Variants in SLC12A1 observed in about 807,000 individuals in gnomAD.
SLC12A1 encodes Na-K-2Cl cotransporter.
SLC12A1 carries 89 observed loss-of-function variants against 130.4 expected under a neutral mutation model. That is an observed-to-expected ratio of 0.68 (90% CI 0.58 to 0.81). The LOEUF (loss-of-function observed/expected upper bound fraction) is 0.81. Ranked by LOEUF, SLC12A1 falls within the 40% of genes least tolerant of loss-of-function variation. The probability of loss-of-function intolerance (pLI) is 0.00; values close to 1 mark genes in which losing one functional copy is unlikely to be tolerated. For missense variants in SLC12A1, 1,310 were observed against 1,336.4 expected (o/e 0.98, Z 0.31); for synonymous variants, 499 against 460.0 (o/e 1.08, Z -1.09).
chr15:48,206,310 T>G lies in SLC12A1; in HGVS notation c.-207T>G, dbSNP rs2040983092. ...TGACGCTGAAGCAGGTTACATTTCC[T>G]CAGAAGAAGGCTCCTTGGTGGTAAG... On this transcript the variant is annotated 5_prime_UTR_variant, in exon 1 of 27. Transcript: ENST00000380993. 1 of 152,216 alleles carries G rather than the reference T, an allele frequency of 6.6e-6. No individual in the cohort carries two copies. The highest frequency in any genetic ancestry group is 2.1e-4 in the South Asian group (1 of 4,838). The allele number at this position is 152,216 out of a possible 1,614,324, so 9.4% of individuals were successfully genotyped here. A position where few individuals can be genotyped will look rare whatever the true frequency, so the allele number is the denominator to read the frequency against.
chr15:48,257,384 G>A (rs1051833916), intron 16 of SLC12A1, among the ~76,000 whole-genome samples: 4 of 152,140 alleles, frequency 2.6e-5, no homozygotes, highest in Admixed American at 6.5e-5. Flanking sequence ...GTGCCCCAGT[G>A]GGGAGTCTGT....
intron 4 of SLC12A1, chr15:48,225,804 TG>T: frequency 6.8e-6 from 4 of 590,946 alleles, no homozygotes; most frequent in Non-Finnish European, 8.5e-6. Context: ...AATGATCCAA[TG>T]AATTCTTCCA....
At chr15:48,281,273 C>T (rs908639133) in intron 20 of SLC12A1, among the ~76,000 whole-genome samples, 1 of 152,170 alleles carries the variant, frequency 6.6e-6, no homozygotes, top group Non-Finnish European at 1.5e-5. Flanking sequence ...AAGTGTTTGG[C>T]ATTGTACTTG....
chr15:48,260,058 A>G (rs2141076844), intron 17 of SLC12A1, among the ~76,000 whole-genome samples: 1 of 152,234 alleles, frequency 6.6e-6, no homozygotes, highest in African/African-American at 2.4e-5. Context: ...ACCTGAGGTC[A>G]GGAGTTCGAG....
intron 9 of SLC12A1, among the ~76,000 whole-genome samples, chr15:48,241,184 C>T (rs2041511527): frequency 6.6e-6 from 1 of 152,144 alleles, no homozygotes; most frequent in African/African-American, 2.4e-5. Flanking sequence ...AGATGTGATA[C>T]ATCTAAATGA....
chr15:48,280,190 G>A (rs918096599), intron 20 of SLC12A1, among the ~76,000 whole-genome samples: 1 of 151,474 alleles, frequency 6.6e-6, no homozygotes, highest in Non-Finnish European at 1.5e-5. Context: ...AAAAAGACTG[G>A]GGACATAACA....
chr15:48,287,697 T>G (rs2042074118), intron 21 of SLC12A1, among the ~76,000 whole-genome samples: 1 of 152,204 alleles, frequency 6.6e-6, no homozygotes, highest in African/African-American at 2.4e-5. Context: ...TTTTGGGAAA[T>G]GTGGATATTC....
In SLC12A1 at chr15:48,220,131, G is replaced by GTAGATAGATAGA. The variant is rs71120609; in HGVS notation, c.421-460_421-449dup. 1.4e-3 allele frequency among the ~76,000 whole-genome samples: 145 copies of GTAGATAGATAGA among 105,742 alleles called. 2 individuals carry two copies. The highest frequency in any genetic ancestry group is 4.7e-3 in the Middle Eastern group (1 of 214). The allele number at this position is 105,742 out of a possible 152,430, so 69.4% of individuals were successfully genotyped here. ...CTCAAAAAAAAAAAAAAAAAAAAAGGTAGATAGATAGATAGATAGATAGAT... is the reference window on the plus strand; with the variant it reads ...CTCAAAAAAAAAAAAAAAAAAAAAGGTAGATAGATAGATAGATAGATAGATAGATAGATAGAT... On this transcript the variant is annotated intron_variant, in intron 2 of 26. Coordinates refer to ENST00000380993, the MANE Select transcript of SLC12A1 (RefSeq NM_000338.3).
chr15:48,221,264 A>C, intron 4 of SLC12A1: 1 of 698,636 alleles, frequency 1.4e-6, no homozygotes, highest in East Asian at 2.7e-5. Context: ...ACACAGACAT[A>C]TAATAGCATG....
intron 5 of SLC12A1, chr15:48,227,037 CTCAGTACTGGAACCAAACACCTT>C: frequency 7.4e-7 from 1 of 1,344,576 alleles, no homozygotes; most frequent in Non-Finnish European, 1.0e-6. Context: ...GGTGACTTCT[CTCAGTACTGGAACCAAACACCTT>C]TCTTGGGGGA....
At chr15:48,263,040 A>G (rs371624490) in intron 17 of SLC12A1, among the ~76,000 whole-genome samples, 19 of 152,318 alleles carry the variant, frequency 1.2e-4, no homozygotes, top group African/African-American at 4.6e-4. Flanking sequence ...ATGTACCTGT[A>G]ATTCTCTGGG....
At chr15:48,299,001 C>G (rs1597463524) in intron 24 of SLC12A1, 139 bp from the exon 25 acceptor site, 4 of 766,340 alleles carry the variant, frequency 5.2e-6, no homozygotes, top group Non-Finnish European at 8.3e-6. Flanking sequence ...AGTAAATTCC[C>G]TGCAAAGATA....
intron 7 of SLC12A1, among the ~76,000 whole-genome samples, chr15:48,230,741 C>T (rs1048796741): frequency 3.9e-5 from 6 of 152,228 alleles, no homozygotes; most frequent in African/African-American, 1.4e-4. Flanking sequence ...GTCACCAAGG[C>T]GGCTGCCTTA....
chr15:48,220,089 A>T (rs2041182433), intron 2 of SLC12A1, among the ~76,000 whole-genome samples: 1 of 144,984 alleles, frequency 6.9e-6, no homozygotes, highest in Non-Finnish European at 1.5e-5. Flanking sequence ...AGCCTGAGTG[A>T]CACAGCAAGA....
chr15:48,255,257 G>A (rs1414252236), intron 15 of SLC12A1, among the ~76,000 whole-genome samples: 1 of 151,980 alleles, frequency 6.6e-6, no homozygotes. Context: ...GGCCAATATG[G>A]TGAAACCCCG....
At chr15:48,235,340 A>C in intron 9 of SLC12A1, 1 of 234,828 alleles carries the variant, frequency 4.3e-6, no homozygotes, top group Non-Finnish European at 8.5e-6. Flanking sequence ...ATTTTCCTGT[A>C]AAAGTAAAAA....
chr15:48,226,946 G>A, intron 5 of SLC12A1: 1 of 647,904 alleles, frequency 1.5e-6, no homozygotes. Flanking sequence ...CATGAAATGG[G>A]ATCTTTTAGA....
intron 14 of SLC12A1, among the ~76,000 whole-genome samples, chr15:48,250,594 G>C (rs921833585): frequency 6.7e-6 from 1 of 150,364 alleles, no homozygotes; most frequent in Non-Finnish European, 1.5e-5. Context: ...AAAGAGAACG[G>C]GAAAGAAGGA....
intron 9 of SLC12A1, among the ~76,000 whole-genome samples, chr15:48,238,570 C>G (rs545469337): frequency 1.3e-5 from 2 of 152,160 alleles, no homozygotes; most frequent in East Asian, 3.9e-4. Flanking sequence ...GTAACGTGGT[C>G]ACAAGCCGGA....
Sources: gnomAD v4.1 joint callset for allele counts (sites outside exome capture counted in the v4.1 genomes callset) on GRCh38, gnomAD v4.1.1 for gene constraint, MANE v1.5 for transcripts, NCBI Gene and HGNC (gene_info 2026-07-23, HGNC 2026-07-21) for gene names.